The following SH3TC1 variants were observed in gnomAD, a reference collection of about 807,000 sequenced individuals.
The protein encoded by SH3TC1 is SH3 domain and tetratricopeptide repeats 1.
Under a neutral mutation model 117.3 loss-of-function variants are expected in SH3TC1, and 135 were observed. That is an observed-to-expected ratio of 1.15 (90% confidence interval 1.00 to 1.33). The LOEUF (loss-of-function observed/expected upper bound fraction) is 1.33, where lower values mean the gene tolerates loss of function less well. SH3TC1 is among the 40% of genes most tolerant of loss of function. The pLI, the probability that SH3TC1 is intolerant of heterozygous loss-of-function variation, is 0.00. For missense variants in SH3TC1, 2,092 were observed against 1,794.3 expected, an observed-to-expected ratio of 1.17 and a Z score of -3.00; for synonymous variants, 898 against 816.9, an observed-to-expected ratio of 1.10 and a Z score of -1.69.
chr4:8,206,873 T>G lies in SH3TC1; in HGVS notation c.172+1507T>G, dbSNP rs1718255292. Among the ~76,000 whole-genome samples, 2 of 147,192 alleles carry G rather than the reference T, an allele frequency of 1.4e-5. No homozygotes were observed. The highest frequency in any genetic ancestry group is 5.3e-5 in the African/African-American group (2 of 37,446). On this transcript the variant is annotated intron_variant, in intron 2 of 17. Transcript: ENST00000245105. This position sits in a 1 kb window ranked among gnomAD's most constrained non-coding sequence, Gnocchi z 5.5. ...TGTGTGTGTGTGTGTGTGTGTGATT[T>G]TCTTCTGATCCTTTTGGGAGTAAAT...
In SH3TC1 at chr4:8,209,750, GA is replaced by G. The variant is rs1441638519; in HGVS notation, c.176del (p.Glu59GlyfsTer26). The G allele has an allele frequency of 1.9e-6, 3 of 1,613,670 alleles. No individual in the cohort carries two copies. The highest frequency in any genetic ancestry group is 2.5e-6 in the Non-Finnish European group (3 of 1,180,010). ...CCTGGGAACCTGCTGTGTTGCAGAC[GA>G]GGCTCCTCCTGCCCGCGTGGCTGGG... The part of the protein sequence containing the change: ...EEAKAPVRGD[E>X]APPARVAGPA... On this transcript the variant is annotated frameshift_variant, in exon 3 of 18. Transcript: ENST00000245105. LOFTEE classifies it high-confidence loss of function. The surrounding 1 kb of genome is among the most constrained non-coding windows in gnomAD (Gnocchi z 5.9).
chr4:8,215,365 T>C (rs1400940312), intron 5 of SH3TC1: 1 of 413,402 alleles, frequency 2.4e-6, no homozygotes, highest in African/African-American at 2.0e-5. Flanking sequence ...GGAGTAAGAA[T>C]TGTAGCCACA....
chr4:8,236,664 AC>A, intron 16 of SH3TC1: 1 of 453,474 alleles, frequency 2.2e-6, no homozygotes. Context: ...CCCCCTGCTG[AC>A]CACGAGGGCT....
chr4:8,196,965 G>T (rs553271941), upstream of SH3TC1, among the ~76,000 whole-genome samples: 1 of 152,280 alleles, frequency 6.6e-6, no homozygotes, highest in Non-Finnish European at 1.5e-5. This position sits in a 1 kb window ranked among gnomAD's most constrained non-coding sequence, Gnocchi z 4.6. Context: ...CTTATGTACC[G>T]AGCTGACACC....
intron 1 of SH3TC1, among the ~76,000 whole-genome samples, chr4:8,191,147 G>C (rs1344693441): frequency 6.6e-6 from 1 of 152,178 alleles, no homozygotes; most frequent in Non-Finnish European, 1.5e-5. Flanking sequence ...ACCACCCCCA[G>C]ATGAGGAGCA....
chr4:8,228,042 C>G lies in SH3TC1; in HGVS notation c.2348C>G (p.Ala783Gly), dbSNP rs139228685. The G allele has an allele frequency of 4.2e-5, 68 of 1,606,260 alleles. No homozygotes were observed. In the African/African-American group the frequency reaches 4.9e-4, roughly 12 times the overall value. The change falls in exon 12 of 18, where the codon GCG (alanine) becomes GGG (glycine). Residue 783 changes from alanine (A) to glycine (G), a missense_variant. Coordinates refer to ENST00000245105, the MANE Select transcript of SH3TC1 (RefSeq NM_018986.5). ...TCCCTGACCCCGGGCACAGGCCAGG[C>G]GCTGCGCGGCCCCCTCTACACCAGC... ...LASLTPGTGQ[A>G]LRGPLYTSLA...
chr4:8,240,578 C>T (rs1273417839), intron 17 of SH3TC1, 120 bp from the exon 18 acceptor site: 17 of 1,490,106 alleles, frequency 1.1e-5, no homozygotes, highest in South Asian at 2.5e-5. Flanking sequence ...TCACAGGCTT[C>T]GGGGCTCATG....
chr4:8,223,026 G>A (rs1455773057), intron 10 of SH3TC1, 56 bp downstream of exon 10: 8 of 1,572,302 alleles, frequency 5.1e-6, no homozygotes, highest in Non-Finnish European at 5.2e-6. Flanking sequence ...CCCTTCTGCA[G>A]CCCCTGCTGC....
At chr4:8,223,545 C>A (rs1331253540) in intron 10 of SH3TC1, among the ~76,000 whole-genome samples, 1 of 152,130 alleles carries the variant, frequency 6.6e-6, no homozygotes, top group African/African-American at 2.4e-5. Context: ...ATGAAGTTGG[C>A]ATGTCATCCA....
intron 1 of SH3TC1, among the ~76,000 whole-genome samples, chr4:8,188,373 C>T (rs920514763): frequency 1.3e-5 from 2 of 152,252 alleles, no homozygotes; most frequent in African/African-American, 4.8e-5. Flanking sequence ...CTGGGCAACA[C>T]CGCCTGCTGA....
chr4:8,232,323 G>A, intron 13 of SH3TC1, 167 bp downstream of exon 13: 2 of 1,508,908 alleles, frequency 1.3e-6, no homozygotes, highest in South Asian at 2.4e-5. Flanking sequence ...TTGTCCCAGG[G>A]CTGCTGATGA....
Position 8,186,150 on chromosome 4 carries a change from A to G in SH3TC1, c.-57+3940A>G, listed in dbSNP as rs547870982. Reference sequence around the variant, plus strand: ...GAGGTCAGCTTCTCAAGCGGGGTTTAATTAACAGCAGCTGCTGGCGGAGGG... The same window carrying G: ...GAGGTCAGCTTCTCAAGCGGGGTTTGATTAACAGCAGCTGCTGGCGGAGGG... On this transcript the variant is annotated intron_variant, in intron 1 of 16. Coordinates refer to the SH3TC1 transcript ENST00000508641. The surrounding 1 kb of genome is among the most constrained non-coding windows in gnomAD (Gnocchi z 5.2). 1.3e-5 allele frequency among the ~76,000 whole-genome samples: 2 copies of G among 152,256 alleles called. No individual in the cohort carries two copies. The highest frequency in any genetic ancestry group is 2.1e-4 in the South Asian group (1 of 4,818).
In SH3TC1 at chr4:8,205,971, G is replaced by A. The variant is rs975839512; in HGVS notation, c.172+605G>A. 4 of 415,040 alleles carry A rather than the reference G, an allele frequency of 9.6e-6. No homozygotes were observed. In the Admixed American group the frequency reaches 1.2e-4, roughly 12 times the overall value. 25.7% of individuals were successfully genotyped at this position (415,040 alleles called of 1,614,324 possible). ...CCCGGCAGGAGACAGCTGCGGTTGT[G>A]ACCCGTCCCTGGGCCTCGTCCTCCC... On this transcript the variant is annotated intron_variant, in intron 2 of 17. Transcript: ENST00000245105. The surrounding 1 kb of genome is among the most constrained non-coding windows in gnomAD (Gnocchi z 5.4).
At chr4:8,238,589 G>C (rs1722032890) in intron 17 of SH3TC1, among the ~76,000 whole-genome samples, 1 of 152,090 alleles carries the variant, frequency 6.6e-6, no homozygotes, top group Admixed American at 6.5e-5. Context: ...CCCGCGGCAG[G>C]CCTGGGGCTG....
chr4:8,208,590 T>A (rs1578661743), intron 2 of SH3TC1, among the ~76,000 whole-genome samples: 1 of 152,150 alleles, frequency 6.6e-6, no homozygotes, highest in East Asian at 1.9e-4. Flanking sequence ...TAACCTCAGG[T>A]GATCCACCTG....
rs753815116 is a variant in SH3TC1 at position 8,219,371 on chromosome 4, G to C, written c.953G>C (p.Gly318Ala). 2.2e-5 allele frequency: 35 copies of C among 1,605,926 alleles called. No homozygotes were observed. In the South Asian group the frequency reaches 3.8e-4, roughly 17 times the overall value. Residue 318 changes from glycine to alanine, a missense_variant, in exon 9 of 18, where the codon GGC becomes GCC. By Grantham distance (60) the Gly-to-Ala change is moderately conservative. Transcript: ENST00000245105. ...GCCTCGGCATTGGCAGACTTCCAGG[G>C]CTCGGGGCCCGAAGAGATGACCTTC... ...GLASALADFQ[G>A]SGPEEMTFRG...
At chr4:8,235,368 CG>C in intron 14 of SH3TC1, 64 bp from the exon 15 acceptor site, 1 of 1,410,678 alleles carries the variant, frequency 7.1e-7, no homozygotes, top group Non-Finnish European at 9.3e-7. Context: ...CGGGGGAGTC[CG>C]ACCTGGGTGG....
chr4:8,191,154 A>G (rs1717405055), intron 1 of SH3TC1, among the ~76,000 whole-genome samples: 1 of 152,168 alleles, frequency 6.6e-6, no homozygotes, highest in African/African-American at 2.4e-5. Flanking sequence ...CCAGATGAGG[A>G]GCACTGTGCT....
At chr4:8,237,719 G>A in intron 17 of SH3TC1, 49 bp downstream of exon 17, 6 of 1,532,636 alleles carry the variant, frequency 3.9e-6, no homozygotes, top group Non-Finnish European at 5.3e-6. Context: ...CCCTTGGAGT[G>A]GGATCTCCAC....
Sources: gnomAD v4.1 joint callset for allele counts (sites outside exome capture counted in the v4.1 genomes callset) on GRCh38, gnomAD v4.1.1 for gene constraint, Gnocchi (gnomAD v3.1) non-coding constraint, MANE v1.5 for transcripts, NCBI Gene and HGNC (gene_info 2026-07-23, HGNC 2026-07-21) for gene names.